VPS13B: variants seen among roughly 807,000 people sequenced by gnomAD.
VPS13B encodes intermembrane lipid transfer protein VPS13B.
Under a neutral mutation model 426.4 loss-of-function variants are expected in VPS13B, and 285 were observed. That is an observed-to-expected ratio of 0.67 (90% CI 0.61 to 0.74). VPS13B has a LOEUF of 0.74. Among genes scored for constraint, VPS13B ranks in the 30% least tolerant of loss-of-function variants. The probability of loss-of-function intolerance (pLI) is 0.00; values close to 1 mark genes in which losing one functional copy is unlikely to be tolerated. For synonymous variants in VPS13B, 1,676 were observed against 1,676.4 expected, an observed-to-expected ratio of 1.00 and a Z score of 0.01; for missense variants, 4,537 against 4,782.6, an observed-to-expected ratio of 0.95 and a Z score of 1.51.
intron 21 of VPS13B, among the ~76,000 whole-genome samples, chr8:99,419,765 G>A (rs1816270318): frequency 6.6e-6 from 1 of 152,144 alleles, no homozygotes; most frequent in Non-Finnish European, 1.5e-5. Context: ...ATAATATGCT[G>A]ATAGAAAAGG....
At chr8:99,233,466 G>C (rs1357729803) in intron 17 of VPS13B, 1 of 1,351,726 alleles carries the variant, frequency 7.4e-7, no homozygotes, top group Non-Finnish European at 1.1e-6. Context: ...CCACAGCCTG[G>C]GTTGGGATGA....
chr8:99,571,932 G>C (rs780178771), intron 31 of VPS13B, among the ~76,000 whole-genome samples: 1 of 152,102 alleles, frequency 6.6e-6, no homozygotes, highest in Non-Finnish European at 1.5e-5. Flanking sequence ...ACACCATATA[G>C]AGCTCTGCTC....
chr8:99,741,002 T>C (rs1033837806), intron 39 of VPS13B, among the ~76,000 whole-genome samples: 10 of 152,192 alleles, frequency 6.6e-5, no homozygotes, highest in African/African-American at 2.4e-4. Flanking sequence ...ATGGGCTAAA[T>C]GCTCCAATTA....
At chr8:99,750,562 C>T (rs751923256) in intron 39 of VPS13B, among the ~76,000 whole-genome samples, 1 of 151,996 alleles carries the variant, frequency 6.6e-6, no homozygotes, top group Non-Finnish European at 1.5e-5. Context: ...CTGGGCTTTA[C>T]GTGAGCAGGC....
At chr8:99,511,663 C>G (rs1036581964) in intron 29 of VPS13B, 151 bp downstream of exon 29, 3 of 778,172 alleles carry the variant, frequency 3.9e-6, no homozygotes, top group Admixed American at 6.0e-5. Context: ...TATAGATATT[C>G]TACAAATCAT....
chr8:99,250,153 TTGCTATCAGTGTA>T (rs1817428284), intron 17 of VPS13B, among the ~76,000 whole-genome samples: 1 of 152,236 alleles, frequency 6.6e-6, no homozygotes, highest in South Asian at 2.1e-4. Flanking sequence ...ATATGTTTAT[TTGCTATCAGTGTA>T]TCCCCTCAGT....
At chr8:99,865,527 G>T (rs1817055491) in intron 58 of VPS13B, among the ~76,000 whole-genome samples, 1 of 152,248 alleles carries the variant, frequency 6.6e-6, no homozygotes. Flanking sequence ...CCGAGGGAGT[G>T]ACTCAAGAGT....
intron 33 of VPS13B, among the ~76,000 whole-genome samples, chr8:99,623,421 T>C (rs142326746): frequency 6.6e-6 from 1 of 152,334 alleles, no homozygotes; most frequent in East Asian, 1.9e-4. Context: ...ATTTGTGACA[T>C]TTCCCTACCT....
intron 17 of VPS13B, among the ~76,000 whole-genome samples, chr8:99,260,888 A>G (rs950460019): frequency 6.6e-6 from 1 of 152,118 alleles, no homozygotes; most frequent in South Asian, 2.1e-4. Flanking sequence ...ATAGTAGATC[A>G]ATCAAAGTTA....
At chr8:99,648,196 A>C (rs1829669358) in intron 34 of VPS13B, among the ~76,000 whole-genome samples, 1 of 152,250 alleles carries the variant, frequency 6.6e-6, no homozygotes, top group African/African-American at 2.4e-5. Flanking sequence ...CTGAGAAACC[A>C]GTAATAAGAC....
At chr8:99,241,644 T>A (rs1210806055) in intron 17 of VPS13B, 1 of 152,174 alleles carries the variant, frequency 6.6e-6, no homozygotes, top group African/African-American at 2.4e-5. Context: ...TCTATGGAAA[T>A]TTTAAAACCA....
At chr8:99,210,201 C>T (rs1563604936) in intron 17 of VPS13B, among the ~76,000 whole-genome samples, 1 of 152,150 alleles carries the variant, frequency 6.6e-6, no homozygotes, top group Non-Finnish European at 1.5e-5. Flanking sequence ...TTTACTTCTA[C>T]CTGTATTATG....
chr8:99,148,053 G>A (rs759065658), intron 14 of VPS13B, 43 bp downstream of exon 14: 6 of 1,494,390 alleles, frequency 4.0e-6, no homozygotes, highest in South Asian at 1.2e-5. Flanking sequence ...CTCATATATG[G>A]ATTTTTTTTT....
intron 12 of VPS13B, among the ~76,000 whole-genome samples, chr8:99,138,035 TC>T (rs1810170720): frequency 6.6e-6 from 1 of 152,192 alleles, no homozygotes; most frequent in Non-Finnish European, 1.5e-5. Context: ...ACCTTTTCCC[TC>T]GCTCCTAGCC....
At chr8:99,683,550 A>G (rs987707093) in intron 35 of VPS13B, among the ~76,000 whole-genome samples, 14 of 152,166 alleles carry the variant, frequency 9.2e-5, no homozygotes, top group Non-Finnish European at 1.9e-4. Context: ...TGTAGTTTTC[A>G]GCATACAGAT....
At chr8:99,273,726 GAGCTTGCA>G (rs1818736293) in intron 17 of VPS13B, among the ~76,000 whole-genome samples, 7 of 149,998 alleles carry the variant, frequency 4.7e-5, no homozygotes, top group Admixed American at 2.7e-4. Context: ...AGAGCTTGCA[GAGCTTGCA>G]GTGAGCTGAG....
At chr8:99,490,049 A>G (rs1820517808) in intron 25 of VPS13B, among the ~76,000 whole-genome samples, 1 of 152,216 alleles carries the variant, frequency 6.6e-6, no homozygotes, top group Middle Eastern at 3.4e-3. Flanking sequence ...TTTGTCATAA[A>G]TAGCTCTTAT....
chr8:99,719,140 G>T lies in VPS13B; in HGVS notation c.6658-1205G>T, dbSNP rs531419882. On this transcript the variant is annotated intron_variant, in intron 37 of 61. Transcript: ENST00000357162. ...TATTACTTTATCAAGAATATTCATT[G>T]TCTTACCTTTTTTCCAAGGCAGCCA... 4.2e-3 allele frequency among the ~76,000 whole-genome samples: 637 copies of T among 152,236 alleles called. 1 individual carries two copies. Among genetic ancestry groups the T allele is most frequent in the Non-Finnish European group, 6.5e-3 (445 of 68,014 alleles).
chr8:99,318,867 C>G (rs1422087925), intron 19 of VPS13B, among the ~76,000 whole-genome samples: 1 of 152,048 alleles, frequency 6.6e-6, no homozygotes, highest in Non-Finnish European at 1.5e-5. Context: ...TGAGATTGTT[C>G]AGGTGTGTTA....
Sources: gnomAD v4.1 joint callset for allele counts (sites outside exome capture counted in the v4.1 genomes callset) on GRCh38, gnomAD v4.1.1 for gene constraint, MANE v1.5 for transcripts, NCBI Gene and HGNC (gene_info 2026-07-23, HGNC 2026-07-21) for gene names.